The following QRFPR variants were observed in gnomAD, a reference collection of about 807,000 sequenced individuals.
QRFPR encodes pyroglutamylated RFamide peptide receptor.
Under a neutral mutation model 31.3 loss-of-function variants are expected in QRFPR, and 37 were observed. The observed-to-expected ratio is 1.18, with a 90% CI of 0.91 to 1.56. The LOEUF is 1.56. Among genes scored for constraint, QRFPR ranks in the 40% most tolerant of loss-of-function variants. QRFPR has a pLI of 0.00. For synonymous variants in QRFPR, 197 were observed against 192.0 expected (o/e 1.03, Z -0.22); for missense variants, 542 against 532.5 (o/e 1.02, Z -0.18).
intron 2 of QRFPR, chr4:121,340,179 G>A (rs1725514840): frequency 8.4e-6 from 3 of 356,174 alleles, no homozygotes; most frequent in Admixed American, 8.0e-5. Context: ...GCCACTGGTA[G>A]GTTATCTTAG....
intron 1 of QRFPR, among the ~76,000 whole-genome samples, chr4:121,379,313 C>T (rs1057090880): frequency 6.6e-6 from 1 of 152,160 alleles, no homozygotes; most frequent in East Asian, 1.9e-4. Flanking sequence ...GAAACACCCT[C>T]CATGAGTTTA....
intron 3 of QRFPR, among the ~76,000 whole-genome samples, chr4:121,336,499 G>A (rs1224212371): frequency 6.6e-6 from 1 of 152,174 alleles, no homozygotes; most frequent in Non-Finnish European, 1.5e-5. Flanking sequence ...CTCTTAAAAT[G>A]TAAGAAAACA....
At chr4:121,338,624 TGTCTAG>T (rs1278417975) in intron 2 of QRFPR, among the ~76,000 whole-genome samples, 1 of 152,198 alleles carries the variant, frequency 6.6e-6, no homozygotes, top group Non-Finnish European at 1.5e-5. Context: ...TGACATCCCC[TGTCTAG>T]GTCTAGGCAA....
chr4:121,360,212 C>T (rs1000137551), intron 1 of QRFPR, among the ~76,000 whole-genome samples: 3 of 152,168 alleles, frequency 2.0e-5, no homozygotes, highest in Admixed American at 1.3e-4. Flanking sequence ...TGCTCTGTCA[C>T]CACTTACACC....
intron 3 of QRFPR, chr4:121,334,720 G>T (rs950626): frequency 3.6e-6 from 1 of 275,580 alleles, no homozygotes; most frequent in African/African-American, 2.2e-5. Context: ...TAACCGTCTC[G>T]TTGCTTCTAT....
At chr4:121,346,620 C>T (rs1009794230) in intron 1 of QRFPR, among the ~76,000 whole-genome samples, 2 of 152,160 alleles carry the variant, frequency 1.3e-5, no homozygotes, top group Non-Finnish European at 2.9e-5. Context: ...TGTTCTCAAT[C>T]TTAGAAGAAA....
intron 1 of QRFPR, among the ~76,000 whole-genome samples, chr4:121,348,478 CTTTGT>C (rs755542087): frequency 3.3e-5 from 5 of 151,974 alleles, no homozygotes; most frequent in Admixed American, 2.0e-4. Context: ...TTGTGTTTTG[CTTTGT>C]TTTATTTTTA....
intron 1 of QRFPR, among the ~76,000 whole-genome samples, chr4:121,359,295 T>C (rs1579582764): frequency 6.6e-6 from 1 of 152,288 alleles, no homozygotes; most frequent in East Asian, 1.9e-4. Flanking sequence ...GGATGCAAAG[T>C]ACTCTCCCTG....
At chr4:121,369,947 G>A in intron 1 of QRFPR, 1 of 765,764 alleles carries the variant, frequency 1.3e-6, no homozygotes, top group Non-Finnish European at 2.4e-6. Flanking sequence ...ACCCTTGTGG[G>A]TGTGTAGCCA....
In QRFPR at chr4:121,329,559, T is replaced by TG; in HGVS notation, c.1050dup (p.Ile351HisfsTer4). The stretch of plus-strand genomic sequence containing the variant: ...GCTGGAGAGAAGGTTTTATTTACTA[T>TG]GCAATAACAAACTGCAGACAAAACA... On this transcript the variant is annotated frameshift_variant, in exon 6 of 6. Transcript: ENST00000394427. LOFTEE classifies it low-confidence loss of function (END_TRUNC). 2 of 1,613,900 alleles carry TG rather than the reference T, an allele frequency of 1.2e-6. No homozygotes were observed. The highest frequency in any genetic ancestry group is 2.2e-5 in the East Asian group (1 of 44,848).
intron 1 of QRFPR, chr4:121,369,797 G>A (rs1726197889): frequency 6.7e-7 from 1 of 1,501,334 alleles, no homozygotes; most frequent in African/African-American, 1.4e-5. Context: ...TCTCTGCTTA[G>A]GTGAAAAGTG....
At chr4:121,372,011 G>A (rs969516876) in intron 1 of QRFPR, among the ~76,000 whole-genome samples, 7 of 152,192 alleles carry the variant, frequency 4.6e-5, no homozygotes, top group Admixed American at 3.3e-4. Flanking sequence ...CTGCTGGGGA[G>A]GAGCAACCCT....
chr4:121,340,648 A>C lies in QRFPR; in HGVS notation c.341-38T>G, dbSNP rs1341932523. 6 of 1,584,052 alleles carry C rather than the reference A, an allele frequency of 3.8e-6. No homozygotes were observed. The Admixed American group carries it at 6.9e-5, about 18-fold the overall frequency. On this transcript the variant is annotated intron_variant, in intron 1 of 5. Coordinates refer to ENST00000394427, the MANE Select transcript of QRFPR (RefSeq NM_198179.3). The stretch of plus-strand genomic sequence containing the variant: ...AATAGGACAAATCATACATCAAAAC[A>C]AAAAGAATAAAGGTTTCATCTGTGT...
chr4:121,370,373 C>A, intron 1 of QRFPR: 1 of 730,336 alleles, frequency 1.4e-6, no homozygotes. Flanking sequence ...GGTGTTTTTT[C>A]TATATAGAAT....
intron 1 of QRFPR, among the ~76,000 whole-genome samples, chr4:121,346,890 G>A (rs1473299507): frequency 6.6e-6 from 1 of 152,118 alleles, no homozygotes; most frequent in South Asian, 2.1e-4. Flanking sequence ...TCATCATGAT[G>A]TATAATCCTT....
chr4:121,339,008 G>A (rs1220722800), intron 2 of QRFPR, among the ~76,000 whole-genome samples: 2 of 152,156 alleles, frequency 1.3e-5, no homozygotes, highest in African/African-American at 2.4e-5. Context: ...TGAATTCTTA[G>A]TAGGAAAGAT....
chr4:121,336,822 G>C lies in QRFPR; in HGVS notation c.546C>G (p.His182Gln), dbSNP rs370051541. Residue 182 changes from histidine to glutamine, a missense_variant, in exon 3 of 6, where the codon CAC becomes CAG. Coordinates refer to ENST00000394427, the MANE Select transcript of QRFPR (RefSeq NM_198179.3). ...TGGAGTCTACCTCAAGTTGTTGCAC[G>C]TGCCACATGGGTGATCCTACGATGA... ...VAVIVGSPMW[H>Q]VQQLEIKYDF... The C allele has an allele frequency of 6.8e-6, 11 of 1,613,522 alleles. No individual in the cohort carries two copies. The African/African-American group carries it at 1.3e-4, about 20-fold the overall frequency.
chr4:121,380,195 G>GAA lies in QRFPR; in HGVS notation c.340+112_340+113insTT. On this transcript the variant is annotated intron_variant, in intron 1 of 5. Coordinates refer to ENST00000394427, the MANE Select transcript of QRFPR (RefSeq NM_198179.3). ...ACAGACAGACGAGAGAGGAGAGAGA[G>GAA]AGAGAGAGAGAGAGAGAGAGAGAGA... 6 of 409,410 alleles carry GAA rather than the reference G, an allele frequency of 1.5e-5. No homozygotes were observed. In the South Asian group the frequency reaches 1.8e-4, roughly 12 times the overall value. The allele number at this position is 409,410 out of a possible 1,614,324, so 25.4% of individuals were successfully genotyped here. A position where few individuals can be genotyped will look rare whatever the true frequency, so the allele number is the denominator to read the frequency against.
chr4:121,340,443 T>G lies in QRFPR; in HGVS notation c.499+9A>C. 6.2e-7 allele frequency: 1 copy of G among 1,613,868 alleles called. No individual in the cohort carries two copies. The highest frequency in any genetic ancestry group is 2.2e-5 in the East Asian group (1 of 44,874). On this transcript the variant is annotated intron_variant, in intron 2 of 5. Transcript: ENST00000394427. The stretch of plus-strand genomic sequence containing the variant: ...TTCACACTGCCATTGGCACATCCAG[T>G]GGCCTCACCTAGCATTGTGAAAGCC...
Sources: allele counts gnomAD v4.1 joint callset (sites outside exome capture counted in the v4.1 genomes callset), GRCh38; gene constraint gnomAD v4.1.1; transcripts MANE v1.5; gene names NCBI Gene and HGNC (gene_info 2026-07-23, HGNC 2026-07-21).